The following ZSCAN4 variants were observed in gnomAD, a reference collection of about 807,000 sequenced individuals.
The protein encoded by ZSCAN4 is zinc finger and SCAN domain containing 4, also known as zinc finger and SCAN domain-containing protein 4.
In ZSCAN4, 18 loss-of-function variants were observed where a neutral mutation model predicts 18.3. The observed-to-expected ratio is 0.98, with a 90% CI of 0.68 to 1.46. The LOEUF is 1.46. ZSCAN4 is among the 40% of genes most tolerant of loss of function. The pLI is 0.00. For missense variants in ZSCAN4, 498 were observed against 511.4 expected, an observed-to-expected ratio of 0.97 and a Z score of 0.25; for synonymous variants, 193 against 180.3, an observed-to-expected ratio of 1.07 and a Z score of -0.57.
At chr19:57,676,595 A>C in intron 3 of ZSCAN4, 54 bp downstream of exon 3, 1 of 1,536,374 alleles carries the variant, frequency 6.5e-7, no homozygotes, top group Non-Finnish European at 8.7e-7. Flanking sequence ...GTAAGGAATA[A>C]ATCACAGTCA....
At chr19:57,671,890 T>C (rs982081700) in intron 2 of ZSCAN4, among the ~76,000 whole-genome samples, 1 of 152,360 alleles carries the variant, frequency 6.6e-6, no homozygotes, top group East Asian at 1.9e-4. Flanking sequence ...AGAAATCAGT[T>C]AGGTTTTTGT....
At chr19:57,664,075 A>G (rs982825165), upstream of ZSCAN4, among the ~76,000 whole-genome samples, 7 of 152,106 alleles carry the variant, frequency 4.6e-5, no homozygotes, top group South Asian at 4.2e-4. Flanking sequence ...AGGTTGCAGT[A>G]AGCAGAGATC....
upstream of ZSCAN4, among the ~76,000 whole-genome samples, chr19:57,666,962 T>A (rs1242939635): frequency 6.6e-6 from 1 of 152,216 alleles, no homozygotes; most frequent in Non-Finnish European, 1.5e-5. Context: ...GGATTGGCTT[T>A]GTCTTCTTGG....
chr19:57,656,530 G>C, the ZSCAN4 span, among the ~76,000 whole-genome samples: 1 of 152,156 alleles, frequency 6.6e-6, no homozygotes, highest in Non-Finnish European at 1.5e-5. Context: ...AGTCTGCCCA[G>C]TTTGTGGTCA....
the ZSCAN4 span, among the ~76,000 whole-genome samples, chr19:57,658,927 G>A: frequency 6.6e-6 from 1 of 150,696 alleles, no homozygotes; most frequent in Non-Finnish European, 1.5e-5. Context: ...CAAAATCCTA[G>A]AGTAAATACA....
intron 2 of ZSCAN4, among the ~76,000 whole-genome samples, chr19:57,673,033 A>G (rs539890301): frequency 5.3e-5 from 8 of 152,114 alleles, no homozygotes; most frequent in African/African-American, 1.9e-4. Flanking sequence ...ACATGGTGAC[A>G]TTTAATTAAT....
the ZSCAN4 span, among the ~76,000 whole-genome samples, chr19:57,662,300 C>T: frequency 1.3e-5 from 2 of 151,678 alleles, no homozygotes; most frequent in South Asian, 4.1e-4. Flanking sequence ...TTATTTTTTT[C>T]TCAGGATTAT....
upstream of ZSCAN4, among the ~76,000 whole-genome samples, chr19:57,668,565 CT>C (rs1568657327): frequency 6.6e-6 from 1 of 152,168 alleles, no homozygotes; most frequent in Non-Finnish European, 1.5e-5. Context: ...AAACACATGG[CT>C]GTAATTAGCT....
chr19:57,659,375 C>T, the ZSCAN4 span, among the ~76,000 whole-genome samples: 3 of 150,888 alleles, frequency 2.0e-5, no homozygotes, highest in African/African-American at 2.4e-5. Context: ...ATGACCTGAC[C>T]CACAAAAAAT....
chr19:57,653,578 A>C, the ZSCAN4 span, among the ~76,000 whole-genome samples: 33 of 152,294 alleles, frequency 2.2e-4, no homozygotes, highest in African/African-American at 7.7e-4. Context: ...ATGGCCCTCA[A>C]AATCTCCAGA....
At chr19:57,663,905 T>TC in the ZSCAN4 span, among the ~76,000 whole-genome samples, 2 of 152,088 alleles carry the variant, frequency 1.3e-5, no homozygotes, top group Non-Finnish European at 2.9e-5. Context: ...GGCAGGCGGA[T>TC]CACCTGATGT....
the ZSCAN4 span, among the ~76,000 whole-genome samples, chr19:57,655,131 T>A: frequency 6.6e-6 from 1 of 152,156 alleles, no homozygotes; most frequent in Non-Finnish European, 1.5e-5. Context: ...ACCAACCCAA[T>A]GGAAGAAGCT....
At chr19:57,663,519 C>CAAAAAAA in the ZSCAN4 span, among the ~76,000 whole-genome samples, 1 of 18,282 alleles carries the variant, frequency 5.5e-5, no homozygotes, top group African/African-American at 2.2e-4. Context: ...AACCATGTCT[C>CAAAAAAA]TAAAAAAAAA....
At chr19:57,668,055 C>T (rs546787644), upstream of ZSCAN4, among the ~76,000 whole-genome samples, 1 of 152,168 alleles carries the variant, frequency 6.6e-6, no homozygotes, top group Admixed American at 6.5e-5. Flanking sequence ...GTGCCTGCCA[C>T]CATGCCTGGC....
chr19:57,664,103 C>T (rs1347820649), upstream of ZSCAN4, among the ~76,000 whole-genome samples: 1 of 151,570 alleles, frequency 6.6e-6, no homozygotes, highest in Non-Finnish European at 1.5e-5. Context: ...TGCAGTACAG[C>T]CTGGGCGACA....
chr19:57,656,489 C>T, the ZSCAN4 span, among the ~76,000 whole-genome samples: 1 of 152,188 alleles, frequency 6.6e-6, no homozygotes, highest in African/African-American at 2.4e-5. Flanking sequence ...CACACTCCAC[C>T]ACCATGACAA....
At chr19:57,676,978 C>A (rs953837622) in intron 3 of ZSCAN4, among the ~76,000 whole-genome samples, 1 of 152,134 alleles carries the variant, frequency 6.6e-6, no homozygotes, top group African/African-American at 2.4e-5. Flanking sequence ...AGCGTTCCAC[C>A]ATGTTGGCCA....
the ZSCAN4 span, among the ~76,000 whole-genome samples, chr19:57,659,974 C>T: frequency 6.6e-6 from 1 of 152,296 alleles, no homozygotes; most frequent in Admixed American, 6.5e-5. Flanking sequence ...AACCTCCATT[C>T]TCCTTACAGA....
At chr19:57,673,857 C>G (rs952899141) in intron 2 of ZSCAN4, among the ~76,000 whole-genome samples, 1 of 152,096 alleles carries the variant, frequency 6.6e-6, no homozygotes, top group East Asian at 1.9e-4. Flanking sequence ...AAGTTCAACC[C>G]ATTCTCCTTG....
Sources: gnomAD v4.1 joint callset for allele counts (sites outside exome capture counted in the v4.1 genomes callset) on GRCh38, gnomAD v4.1.1 for gene constraint, MANE v1.5 for transcripts, NCBI Gene and HGNC (gene_info 2026-07-23, HGNC 2026-07-21) for gene names.